Variants in CSMD2 observed in about 807,000 individuals in gnomAD.
The protein encoded by CSMD2 is CUB and sushi domain-containing protein 2.
CSMD2 carries 130 observed loss-of-function variants against 398.5 expected under a neutral mutation model. The ratio of observed to expected loss-of-function variants is 0.33; its 90% CI spans 0.28 to 0.38. The LOEUF is 0.38. CSMD2 is among the 10% of genes least tolerant of loss of function. The probability of loss-of-function intolerance (pLI) is 1.00; values close to 1 mark genes in which losing one functional copy is unlikely to be tolerated. For synonymous variants in CSMD2, 1,828 were observed against 1,908.5 expected (o/e 0.96, Z 1.10); for missense variants, 3,829 against 4,764.9 (o/e 0.80, Z 5.78).
intron 3 of CSMD2, among the ~76,000 whole-genome samples, chr1:34,007,431 C>T (rs892632271): frequency 5.9e-5 from 9 of 152,172 alleles, no homozygotes; most frequent in Non-Finnish European, 1.2e-4. Flanking sequence ...TGTTGAACCA[C>T]CTTTTACCCA....
At chr1:34,061,780 G>A (rs1050146415) in intron 2 of CSMD2, among the ~76,000 whole-genome samples, 2 of 152,164 alleles carry the variant, frequency 1.3e-5, no homozygotes, top group Non-Finnish European at 2.9e-5. Context: ...AGCTCATCGT[G>A]ACTGCAATGC....
chr1:33,631,349 T>C (rs1571012204), intron 32 of CSMD2, among the ~76,000 whole-genome samples: 1 of 151,928 alleles, frequency 6.6e-6, no homozygotes, highest in South Asian at 2.1e-4. Context: ...TATACCTGAA[T>C]AGACCAATAA....
At chr1:33,661,286 G>C (rs941219696) in intron 26 of CSMD2, among the ~76,000 whole-genome samples, 3 of 152,204 alleles carry the variant, frequency 2.0e-5, no homozygotes, top group African/African-American at 7.2e-5. Context: ...TTTCCCCAGA[G>C]AGTGGATCGA....
chr1:33,833,488 G>A (rs1010153854), intron 6 of CSMD2, among the ~76,000 whole-genome samples: 4 of 148,294 alleles, frequency 2.7e-5, no homozygotes, highest in African/African-American at 1.0e-4. Flanking sequence ...ATTAGGTATT[G>A]ATGGGACGTA....
intron 6 of CSMD2, among the ~76,000 whole-genome samples, chr1:33,829,500 C>A (rs1355800209): frequency 1.3e-5 from 2 of 152,124 alleles, no homozygotes; most frequent in Non-Finnish European, 2.9e-5. Context: ...ATTAACTCGT[C>A]ATTTAACATT....
At chr1:33,701,183 A>G (rs1645601479) in intron 22 of CSMD2, among the ~76,000 whole-genome samples, 1 of 152,104 alleles carries the variant, frequency 6.6e-6, no homozygotes, top group East Asian at 1.9e-4. Context: ...ACTCTGCTGG[A>G]CATCATCCCT....
chr1:33,879,199 G>A (rs535733764), intron 5 of CSMD2, among the ~76,000 whole-genome samples: 2 of 152,226 alleles, frequency 1.3e-5, no homozygotes, highest in Non-Finnish European at 1.5e-5. Context: ...AATTCATTAT[G>A]AGCCCCTTTT....
rs74783782 is a variant in CSMD2, at chr1:34,041,264, G to A, written c.405-8558C>T. The stretch of plus-strand genomic sequence containing the variant: ...ACCAGAATTTGGCTCGGATACAACT[G>A]AGCTTCCTGCCTTCAGGTGTCACTG... On this transcript the variant is annotated intron_variant, in intron 2 of 70. Coordinates refer to ENST00000373381, the MANE Select transcript of CSMD2 (RefSeq NM_001281956.2). Among the ~76,000 whole-genome samples, 859 of 152,288 alleles carry A rather than the reference G, an allele frequency of 5.6e-3. 35 individuals carry two copies. The highest frequency in any genetic ancestry group is 0.049 in the Admixed American group (750 of 15,302).
chr1:33,793,746 T>A (rs1557904106), intron 10 of CSMD2, among the ~76,000 whole-genome samples: 1 of 151,426 alleles, frequency 6.6e-6, no homozygotes, highest in South Asian at 2.1e-4. Context: ...GATGGAAGAG[T>A]AGCAGTGTGG....
chr1:33,969,211 T>C (rs1225973966), intron 3 of CSMD2, among the ~76,000 whole-genome samples: 1 of 152,218 alleles, frequency 6.6e-6, no homozygotes, highest in Non-Finnish European at 1.5e-5. Flanking sequence ...AAGCATAACA[T>C]ACACAACCAA....
At chr1:33,887,933 T>C (rs1641710783) in intron 5 of CSMD2, among the ~76,000 whole-genome samples, 1 of 151,918 alleles carries the variant, frequency 6.6e-6, no homozygotes, top group Non-Finnish European at 1.5e-5. Flanking sequence ...ACAGAAGAAA[T>C]GTACAGAAAT....
In CSMD2 at chr1:33,519,502, C is replaced by G. The variant is rs779447156; in HGVS notation, c.*16G>C. 6 of 1,608,970 alleles carry G rather than the reference C, an allele frequency of 3.7e-6. No individual in the cohort carries two copies. In the Admixed American group the frequency reaches 1.0e-4, roughly 27 times the overall value. Reference sequence around the variant, plus strand: ...GCGGGGCTCTCGGTGGCGGTGGTGGCGGCCAGGCCGGGTGGCTATACTGCT... The same window carrying G: ...GCGGGGCTCTCGGTGGCGGTGGTGGGGGCCAGGCCGGGTGGCTATACTGCT... On this transcript the variant is annotated 3_prime_UTR_variant, in exon 70 of 71. Transcript: ENST00000373381. This position sits in a 1 kb window ranked among gnomAD's most constrained non-coding sequence, Gnocchi z 5.6.
chr1:34,082,034 C>G (rs941485915), intron 2 of CSMD2, among the ~76,000 whole-genome samples: 1 of 150,176 alleles, frequency 6.7e-6, no homozygotes, highest in African/African-American at 2.5e-5. Flanking sequence ...AAGTGAGGAG[C>G]GCCTCTTCCC....
intron 2 of CSMD2, among the ~76,000 whole-genome samples, chr1:34,068,558 T>C (rs1234239184): frequency 6.6e-6 from 1 of 152,218 alleles, no homozygotes; most frequent in Non-Finnish European, 1.5e-5. Context: ...AAACAGATAA[T>C]TCTGTAGCCT....
intron 6 of CSMD2, among the ~76,000 whole-genome samples, chr1:33,832,407 A>G: frequency 2.3e-5 from 1 of 43,372 alleles, no homozygotes; most frequent in Non-Finnish European, 3.8e-5. Flanking sequence ...TGCACTGGGT[A>G]CATAACGAAC....
chr1:34,112,577 C>T (rs116411805), intron 1 of CSMD2, among the ~76,000 whole-genome samples: 1,688 of 152,330 alleles, frequency 0.011, 25 homozygotes, highest in African/African-American at 0.038. Flanking sequence ...GCATACTATG[C>T]TTTGTCACCA....
At chr1:33,965,648 C>T (rs1263219716) in intron 3 of CSMD2, among the ~76,000 whole-genome samples, 1 of 152,148 alleles carries the variant, frequency 6.6e-6, no homozygotes, top group Non-Finnish European at 1.5e-5. Flanking sequence ...TTCCTGTCTA[C>T]CAGTTTATTA....
intron 5 of CSMD2, among the ~76,000 whole-genome samples, chr1:33,895,061 G>C (rs1642286810): frequency 6.6e-6 from 1 of 152,118 alleles, no homozygotes; most frequent in South Asian, 2.1e-4. Flanking sequence ...TCAGTCAGTG[G>C]CCATGAGGAT....
chr1:34,108,055 A>T (rs912592379), intron 1 of CSMD2, among the ~76,000 whole-genome samples: 1 of 152,202 alleles, frequency 6.6e-6, no homozygotes. Context: ...ATATTTGTCA[A>T]GTAAATGGAT....
Sources: allele counts gnomAD v4.1 joint callset (sites outside exome capture counted in the v4.1 genomes callset), GRCh38; gene constraint gnomAD v4.1.1; non-coding constraint Gnocchi (gnomAD v3.1); transcripts MANE v1.5; gene names NCBI Gene and HGNC (gene_info 2026-07-23, HGNC 2026-07-21).